SNTB2: variants seen among roughly 807,000 people sequenced by gnomAD.
SNTB2 encodes the protein beta-2-syntrophin.
A neutral mutation model predicts 46.2 loss-of-function variants in SNTB2; 34 were observed. The observed-to-expected ratio is 0.74, with a 90% confidence interval of 0.56 to 0.98. The LOEUF (loss-of-function observed/expected upper bound fraction) is 0.98, where lower values mean the gene tolerates loss of function less well. Among genes scored for constraint, SNTB2 ranks in the 50% least tolerant of loss-of-function variants. The probability of loss-of-function intolerance (pLI) is 0.00; values close to 1 mark genes in which losing one functional copy is unlikely to be tolerated. For missense variants in SNTB2, 603 were observed against 731.4 expected (o/e 0.82, Z 2.02); for synonymous variants, 290 against 312.6 (o/e 0.93, Z 0.76).
chr16:69,259,853 C>T (rs1597190251), intron 2 of SNTB2, among the ~76,000 whole-genome samples, 197 bp from the exon 3 acceptor site: 1 of 147,768 alleles, frequency 6.8e-6, no homozygotes, highest in African/African-American at 2.5e-5. Context: ...CAGGCAATCC[C>T]CCTGCCTTGG....
At chr16:69,277,944 G>A (rs948954304) in intron 4 of SNTB2, among the ~76,000 whole-genome samples, 4 of 152,344 alleles carry the variant, frequency 2.6e-5, no homozygotes, top group South Asian at 2.1e-4. Context: ...CACTTTGGGA[G>A]GCCAAGGCAT....
chr16:69,277,803 T>A (rs577449836), intron 4 of SNTB2, among the ~76,000 whole-genome samples: 3 of 152,320 alleles, frequency 2.0e-5, no homozygotes, highest in South Asian at 4.1e-4. Flanking sequence ...TAGAAAACAT[T>A]GTGAGGTGAG....
chr16:69,279,949 G>T (rs1361686155), intron 4 of SNTB2, among the ~76,000 whole-genome samples: 6 of 151,950 alleles, frequency 3.9e-5, no homozygotes, highest in Non-Finnish European at 8.8e-5. Flanking sequence ...GTGGAGGGAG[G>T]GTCAGCAGAT....
At chr16:69,188,699 G>T (rs889415599) in intron 1 of SNTB2, among the ~76,000 whole-genome samples, 1 of 152,140 alleles carries the variant, frequency 6.6e-6, no homozygotes, top group African/African-American at 2.4e-5. Flanking sequence ...GGTGATTATG[G>T]CTAGCTGTGT....
intron 5 of SNTB2, among the ~76,000 whole-genome samples, chr16:69,292,015 C>T (rs953152017): frequency 2.8e-4 from 43 of 151,838 alleles, no homozygotes; most frequent in African/African-American, 1.0e-3. Flanking sequence ...GTCAGGAGAT[C>T]GAGTCCATCC....
chr16:69,239,381 C>T (rs977114180), intron 1 of SNTB2, among the ~76,000 whole-genome samples: 1 of 152,008 alleles, frequency 6.6e-6, no homozygotes, highest in African/African-American at 2.4e-5. Flanking sequence ...TTAAGGTATA[C>T]AGTTCTATGA....
intron 1 of SNTB2, among the ~76,000 whole-genome samples, chr16:69,212,769 G>A (rs1027151806): frequency 6.6e-6 from 1 of 152,088 alleles, no homozygotes; most frequent in Admixed American, 6.6e-5. Context: ...TGAGTAGCTG[G>A]GATTACAGGC....
rs557261187 is a variant in SNTB2, at chr16:69,308,645, T to C, written c.*7721T>C. ...GATGATACCTGCTTATGTGGATTCT[T>C]TTCCACACTGCTTTCATTTTTAAGT... is the stretch of plus-strand genomic sequence containing the variant. On this transcript the variant is annotated 3_prime_UTR_variant, in exon 7 of 7. Transcript: ENST00000336278. 1 of 152,356 alleles carries C rather than the reference T, an allele frequency of 6.6e-6. No homozygotes were observed. The highest frequency in any genetic ancestry group is 1.9e-4 in the East Asian group (1 of 5,196). The allele number at this position is 152,356 out of a possible 1,614,324, so 9.4% of individuals were successfully genotyped here. A position where few individuals can be genotyped will look rare whatever the true frequency, so the allele number is the denominator to read the frequency against.
intron 1 of SNTB2, among the ~76,000 whole-genome samples, chr16:69,220,263 G>A (rs951478891): frequency 1.4e-5 from 2 of 138,430 alleles, no homozygotes; most frequent in African/African-American, 2.7e-5. Context: ...CCAGATTCAC[G>A]CCATTCTCCT....
chr16:69,238,752 A>T (rs1015659073), intron 1 of SNTB2, among the ~76,000 whole-genome samples: 4 of 152,006 alleles, frequency 2.6e-5, no homozygotes, highest in African/African-American at 9.7e-5. Context: ...ATGTAATCTG[A>T]TGTAGAATCT....
Position 69,303,584 on chromosome 16 carries a change from A to G in SNTB2, c.*2660A>G, listed in dbSNP as rs1052618171. The G allele has an allele frequency of 3.9e-5, 6 of 152,640 alleles. No individual in the cohort carries two copies. Among genetic ancestry groups the G allele is most frequent in the South Asian group, 2.1e-4 (1 of 4,838 alleles). The allele number at this position is 152,640 out of a possible 1,614,324, so 9.5% of individuals were successfully genotyped here. On this transcript the variant is annotated 3_prime_UTR_variant, in exon 7 of 7. Coordinates refer to ENST00000336278, the MANE Select transcript of SNTB2 (RefSeq NM_006750.4). Reference sequence around the variant, plus strand: ...ATCTTTTGAGTCTTGCTGTGAAATGAAAGTGTGGGAGGTTTCCTTTGTCCA... The same window carrying G: ...ATCTTTTGAGTCTTGCTGTGAAATGGAAGTGTGGGAGGTTTCCTTTGTCCA...
intron 1 of SNTB2, among the ~76,000 whole-genome samples, chr16:69,209,864 A>C (rs1244598776): frequency 1.3e-5 from 2 of 152,134 alleles, no homozygotes; most frequent in Non-Finnish European, 2.9e-5. Flanking sequence ...TGTTTAAACT[A>C]TATAGATCTT....
chr16:69,271,872 T>C (rs75631133), intron 4 of SNTB2, among the ~76,000 whole-genome samples: 167 of 152,306 alleles, frequency 1.1e-3, no homozygotes, highest in Non-Finnish European at 2.0e-3. Flanking sequence ...GCAAATAATT[T>C]CTTGGCTATA....
At chr16:69,246,023 CTG>C in intron 2 of SNTB2, among the ~76,000 whole-genome samples, 1 of 152,134 alleles carries the variant, frequency 6.6e-6, no homozygotes, top group Admixed American at 6.5e-5. Context: ...ACACAAGAAA[CTG>C]TTAATGGCTT....
intron 1 of SNTB2, chr16:69,235,593 G>A (rs762462086): frequency 2.9e-4 from 222 of 757,434 alleles, no homozygotes; most frequent in Non-Finnish European, 3.4e-4. Flanking sequence ...GGGGGAGGGG[G>A]GAACTAAAAG....
Position 69,250,285 on chromosome 16 carries a change from G to T in SNTB2, c.794+4470G>T, listed in dbSNP as rs568365551. On this transcript the variant is annotated intron_variant, in intron 2 of 6. Transcript: ENST00000336278. ...TATACTCATGGGAATGTGAACATCT[G>T]TGTGTCTTGGCAGAAAAAATGTACA... 4.6e-5 allele frequency among the ~76,000 whole-genome samples: 7 copies of T among 152,302 alleles called. No homozygotes were observed. In the East Asian group the frequency reaches 1.3e-3, roughly 29 times the overall value.
chr16:69,209,152 T>A (rs1016905871), intron 1 of SNTB2, among the ~76,000 whole-genome samples: 1 of 152,166 alleles, frequency 6.6e-6, no homozygotes, highest in Non-Finnish European at 1.5e-5. Context: ...TCTTGTATTT[T>A]TAGTAGAGAC....
At chr16:69,211,654 A>G (rs1302870464) in intron 1 of SNTB2, among the ~76,000 whole-genome samples, 1 of 152,114 alleles carries the variant, frequency 6.6e-6, no homozygotes, top group Non-Finnish European at 1.5e-5. Flanking sequence ...TATTAAAGCT[A>G]GGGCCAAATT....
intron 5 of SNTB2, among the ~76,000 whole-genome samples, chr16:69,289,321 T>C (rs1597202315): frequency 7.0e-6 from 1 of 143,752 alleles, no homozygotes; most frequent in East Asian, 2.0e-4. Context: ...CAGTACAAGA[T>C]AAATACCAGA....
Sources: allele counts gnomAD v4.1 joint callset (sites outside exome capture counted in the v4.1 genomes callset), GRCh38; gene constraint gnomAD v4.1.1; transcripts MANE v1.5; gene names NCBI Gene and HGNC (gene_info 2026-07-23, HGNC 2026-07-21).